CSMD1: variants seen among roughly 807,000 people sequenced by gnomAD.
CSMD1 encodes the protein CUB and Sushi multiple domains 1, also known as CUB and sushi domain-containing protein 1.
A neutral mutation model predicts 417.5 loss-of-function variants in CSMD1; 213 were observed. The observed-to-expected ratio is 0.51, with a 90% confidence interval of 0.46 to 0.57. The LOEUF (loss-of-function observed/expected upper bound fraction) is 0.57. CSMD1 is among the 20% of genes least tolerant of loss of function. The pLI, the probability that CSMD1 is intolerant of heterozygous loss-of-function variation, is 0.00. For missense variants in CSMD1, 6,923 were observed against 4,529.7 expected (o/e 1.53, Z -15.17); for synonymous variants, 2,862 against 1,736.8 (o/e 1.65, Z -16.11).
chr8:3,471,773 T>G (rs914015493), intron 11 of CSMD1, among the ~76,000 whole-genome samples: 2 of 151,708 alleles, frequency 1.3e-5, no homozygotes, highest in African/African-American at 4.8e-5. Flanking sequence ...AAGAAAAATA[T>G]GTATCTTAAG....
At chr8:3,255,785 A>G (rs1013810405) in intron 26 of CSMD1, among the ~76,000 whole-genome samples, 2 of 152,100 alleles carry the variant, frequency 1.3e-5, no homozygotes, top group South Asian at 4.1e-4. Context: ...CTTTGACTAG[A>G]AAGGGAATTC....
At chr8:2,943,420 G>C (rs949900980) in intron 68 of CSMD1, among the ~76,000 whole-genome samples, 1 of 151,970 alleles carries the variant, frequency 6.6e-6, no homozygotes. Context: ...TAGAGATGGG[G>C]TTTCACCATG....
intron 1 of CSMD1, among the ~76,000 whole-genome samples, chr8:4,811,216 G>T (rs1798882944): frequency 6.6e-6 from 1 of 152,010 alleles, no homozygotes; most frequent in Non-Finnish European, 1.5e-5. Context: ...TGAATCACGA[G>T]GTTCAACAAG....
chr8:4,432,832 A>G (rs111684074), intron 2 of CSMD1, among the ~76,000 whole-genome samples: 11,699 of 152,294 alleles, frequency 0.077, 649 homozygotes, highest in Non-Finnish European at 0.096. Flanking sequence ...AGATTTCTTT[A>G]GCACTCTGTT....
At chr8:4,686,546 C>A (rs1806397643) in intron 1 of CSMD1, among the ~76,000 whole-genome samples, 2 of 152,236 alleles carry the variant, frequency 1.3e-5, no homozygotes, top group South Asian at 4.1e-4. Context: ...ACAGCCCCTG[C>A]TACATCCCTG....
chr8:4,263,396 C>G (rs1346466956), intron 3 of CSMD1, among the ~76,000 whole-genome samples: 1 of 152,176 alleles, frequency 6.6e-6, no homozygotes, highest in Non-Finnish European at 1.5e-5. Context: ...GCTTTGACCA[C>G]ATTTCTATTA....
intron 10 of CSMD1, among the ~76,000 whole-genome samples, chr8:3,502,256 T>G (rs1563099476): frequency 6.6e-6 from 1 of 150,648 alleles, no homozygotes. Flanking sequence ...TCCCAGCTAC[T>G]CGGGAGGCTG....
chr8:4,347,895 AAAAT>A (rs201884151), intron 3 of CSMD1, among the ~76,000 whole-genome samples: 3,935 of 152,296 alleles, frequency 0.026, 52 homozygotes, highest in Middle Eastern at 0.034. Flanking sequence ...TGATAAGAAA[AAAAT>A]AAAAAGTTAA....
chr8:4,059,228 T>C (rs1295186807), intron 3 of CSMD1, among the ~76,000 whole-genome samples: 1 of 152,172 alleles, frequency 6.6e-6, no homozygotes, highest in African/African-American at 2.4e-5. Flanking sequence ...GAAATAAAGA[T>C]GTTCTTTGAA....
At chr8:4,006,241 A>C (rs149493824) in intron 4 of CSMD1, among the ~76,000 whole-genome samples, 1 of 152,314 alleles carries the variant, frequency 6.6e-6, no homozygotes, top group African/African-American at 2.4e-5. Context: ...TGTGCGCAGG[A>C]GTAAGGATCA....
chr8:4,440,544 G>C (rs1003280442), intron 2 of CSMD1, among the ~76,000 whole-genome samples: 9 of 152,030 alleles, frequency 5.9e-5, no homozygotes, highest in Non-Finnish European at 8.8e-5. Flanking sequence ...TAACATTGCT[G>C]ACATGCATAT....
At chr8:3,628,128 C>T (rs1399351771) in intron 7 of CSMD1, among the ~76,000 whole-genome samples, 1 of 152,168 alleles carries the variant, frequency 6.6e-6, no homozygotes, top group African/African-American at 2.4e-5. Context: ...GCAGGATATA[C>T]TGTCTTCACC....
chr8:4,522,345 C>T (rs1811855014), intron 2 of CSMD1, among the ~76,000 whole-genome samples: 1 of 152,200 alleles, frequency 6.6e-6, no homozygotes, highest in Non-Finnish European at 1.5e-5. Context: ...AAGCCTCTTG[C>T]TTTTGTTAAT....
chr8:4,959,139 T>C (rs1809314422), intron 1 of CSMD1, among the ~76,000 whole-genome samples: 1 of 152,184 alleles, frequency 6.6e-6, no homozygotes. Flanking sequence ...ATATGAGAAT[T>C]TGGAAAGAAA....
At chr8:3,656,908 G>A (rs920109050) in intron 7 of CSMD1, among the ~76,000 whole-genome samples, 1 of 146,004 alleles carries the variant, frequency 6.8e-6, no homozygotes, top group Non-Finnish European at 1.5e-5. Context: ...CTGGGCAACA[G>A]AGCAAGACTC....
chr8:3,669,516 A>G (rs1258421084), intron 7 of CSMD1, among the ~76,000 whole-genome samples: 1 of 152,206 alleles, frequency 6.6e-6, no homozygotes, highest in East Asian at 1.9e-4. Flanking sequence ...ACAAGTCCCA[A>G]GTTAATGAAT....
At chr8:3,280,013 G>C (rs1388192783) in intron 26 of CSMD1, among the ~76,000 whole-genome samples, 3 of 152,114 alleles carry the variant, frequency 2.0e-5, no homozygotes, top group South Asian at 2.1e-4. Flanking sequence ...GGAAAGAGAT[G>C]GTCAATGCAG....
intron 3 of CSMD1, among the ~76,000 whole-genome samples, chr8:4,062,993 G>C (rs1799058557): frequency 6.6e-6 from 1 of 152,024 alleles, no homozygotes; most frequent in African/African-American, 2.4e-5. Context: ...AGGTAATCCA[G>C]ACACTTATTA....
chr8:4,952,862 T>C (rs1192302235), intron 1 of CSMD1, among the ~76,000 whole-genome samples: 1 of 152,160 alleles, frequency 6.6e-6, no homozygotes, highest in Non-Finnish European at 1.5e-5. Flanking sequence ...GCTTGTTGGA[T>C]GTAGACTGTG....
Sources: allele counts gnomAD v4.1 joint callset (sites outside exome capture counted in the v4.1 genomes callset), GRCh38; gene constraint gnomAD v4.1.1; transcripts MANE v1.5; gene names NCBI Gene and HGNC (gene_info 2026-07-23, HGNC 2026-07-21).